Variants in TP53BP2 observed in about 807,000 individuals in gnomAD.
TP53BP2 encodes the protein apoptosis-stimulating of p53 protein 2.
TP53BP2 carries 62 observed loss-of-function variants against 126.2 expected under a neutral mutation model. That is an observed-to-expected ratio of 0.49 (90% confidence interval 0.40 to 0.61). The LOEUF is 0.61. TP53BP2 is among the 20% of genes least tolerant of loss of function. TP53BP2 has a pLI of 0.00. For missense variants in TP53BP2, 1,215 were observed against 1,402.8 expected (o/e 0.87, Z 2.14); for synonymous variants, 485 against 502.9 (o/e 0.96, Z 0.48).
At chr1:223,845,347 C>G (rs1165609831) in intron 1 of TP53BP2, 1 of 779,880 alleles carries the variant, frequency 1.3e-6, no homozygotes, top group Non-Finnish European at 1.6e-6. Flanking sequence ...AAGTCAAGAC[C>G]CAGTGAAAGA....
chr1:223,813,105 A>T (rs1397936902), intron 3 of TP53BP2, among the ~76,000 whole-genome samples: 5 of 151,642 alleles, frequency 3.3e-5, no homozygotes, highest in African/African-American at 4.8e-5. Flanking sequence ...GCTGCTTCCC[A>T]CCCACACTCT....
intron 15 of TP53BP2, among the ~76,000 whole-genome samples, chr1:223,791,958 G>A (rs1662170290): frequency 6.6e-6 from 1 of 152,080 alleles, no homozygotes; most frequent in African/African-American, 2.4e-5. Flanking sequence ...CACGAAAAAT[G>A]GATTCCATGG....
chr1:223,802,699 TC>T, intron 8 of TP53BP2, 31 bp downstream of exon 8: 3 of 1,610,562 alleles, frequency 1.9e-6, no homozygotes, highest in Non-Finnish European at 2.5e-6. Context: ...TTTTCCCTCC[TC>T]CCCAAAACCA....
chr1:223,798,037 T>G (rs1662392645), intron 12 of TP53BP2, among the ~76,000 whole-genome samples, 178 bp downstream of exon 12: 1 of 152,116 alleles, frequency 6.6e-6, no homozygotes, highest in South Asian at 2.1e-4. Flanking sequence ...TGCCTACTAC[T>G]GTAGGAGCAG....
At chr1:223,836,982 A>ACCTACATATCACAAACTAAGCAGTTATT (rs1558111729) in intron 1 of TP53BP2, among the ~76,000 whole-genome samples, 5 of 152,202 alleles carry the variant, frequency 3.3e-5, no homozygotes, top group African/African-American at 1.2e-4. Flanking sequence ...TTTGAAAATT[A>ACCTACATATCACAAACTAAGCAGTTATT]CCTACATATC....
In TP53BP2 at chr1:223,796,470, A is replaced by G; in HGVS notation, c.2069T>C (p.Val690Ala). 1 of 1,614,170 alleles carries G rather than the reference A, an allele frequency of 6.2e-7. No individual in the cohort carries two copies. The highest frequency in any genetic ancestry group is 1.1e-5 in the South Asian group (1 of 91,080). ...TCTTTCGTTTTCATGGTTCTCCTGA[A>G]CTGAAGAAACAGGCTCTGTTTCAGG... ...PEPETEPVSS[V>A]QENHENERIP... The change falls in exon 13 of 18, where the codon GTT (valine) becomes GCT (alanine). Residue 690 changes from valine (V) to alanine (A), a missense_variant. By Grantham distance (64) the Val-to-Ala change is moderately conservative. This residue lies in a region of TP53BP2 where 814 missense variants were observed against 853.0 expected (regional missense o/e 0.95). Coordinates refer to ENST00000343537, the MANE Select transcript of TP53BP2 (RefSeq NM_001031685.3). The surrounding 1 kb of genome is among the most constrained non-coding windows in gnomAD (Gnocchi z 4.2).
intron 1 of TP53BP2, among the ~76,000 whole-genome samples, chr1:223,842,173 C>T (rs569003926): frequency 1.4e-4 from 21 of 152,208 alleles, no homozygotes; most frequent in East Asian, 7.7e-4. Context: ...CTCCTGACCT[C>T]GTGATCCACC....
chr1:223,813,928 A>G (rs1192496662), intron 3 of TP53BP2, among the ~76,000 whole-genome samples: 1 of 152,188 alleles, frequency 6.6e-6, no homozygotes, highest in East Asian at 1.9e-4. Flanking sequence ...TCCTGTTATT[A>G]TGGAAGAGGG....
At chr1:223,813,442 A>C (rs1662982017) in intron 3 of TP53BP2, among the ~76,000 whole-genome samples, 1 of 151,684 alleles carries the variant, frequency 6.6e-6, no homozygotes, top group African/African-American at 2.4e-5. Context: ...CTTTCATCTA[A>C]CTGAGACTCA....
At chr1:223,838,833 G>A (rs921482856) in intron 1 of TP53BP2, among the ~76,000 whole-genome samples, 2 of 152,116 alleles carry the variant, frequency 1.3e-5, no homozygotes, top group Non-Finnish European at 2.9e-5. Flanking sequence ...TGCAGATGTG[G>A]AAGATCTGAG....
chr1:223,831,776 A>G (rs1663742193), intron 1 of TP53BP2, among the ~76,000 whole-genome samples: 1 of 149,188 alleles, frequency 6.7e-6, no homozygotes, highest in Non-Finnish European at 1.5e-5. Flanking sequence ...AAAAAAAAAA[A>G]CACTGTGTTA....
At chr1:223,809,833 C>CTTTTTTTTTTTTTTTTTTTT (rs949554343) in intron 4 of TP53BP2, among the ~76,000 whole-genome samples, 1 of 147,872 alleles carries the variant, frequency 6.8e-6, no homozygotes, top group Non-Finnish European at 1.5e-5. Flanking sequence ...TATAATTTTC[C>CTTTTTTTTTTTTTTTTTTTT]TTTTTTTTTT....
intron 1 of TP53BP2, among the ~76,000 whole-genome samples, chr1:223,831,502 T>A (rs1271796600): frequency 3.1e-5 from 4 of 129,960 alleles, no homozygotes; most frequent in Non-Finnish European, 4.8e-5. Flanking sequence ...TATATATATA[T>A]ATATATATAT....
intron 9 of TP53BP2, among the ~76,000 whole-genome samples, chr1:223,801,726 T>A (rs1354474801): frequency 6.6e-6 from 1 of 152,198 alleles, no homozygotes; most frequent in Non-Finnish European, 1.5e-5. Flanking sequence ...CTCATCAACA[T>A]AATAGATTCA....
intron 15 of TP53BP2, 119 bp from the exon 16 acceptor site, chr1:223,789,293 TCTTAAACAGTTTTTTAAAAAC>T: frequency 8.6e-7 from 1 of 1,163,780 alleles, no homozygotes; most frequent in Non-Finnish European, 1.2e-6. Flanking sequence ...TCTGAAAACC[TCTTAAACAGTTTTTTAAAAAC>T]CAGTTCAACA....
chr1:223,802,610 A>G (rs1662564908), intron 8 of TP53BP2, 121 bp downstream of exon 8: 6 of 1,211,852 alleles, frequency 5.0e-6, no homozygotes, highest in Non-Finnish European at 7.0e-6. Flanking sequence ...ATCCATAAAC[A>G]GCATCTGTTT....
chr1:223,782,894 A>T (rs940034884), intron 17 of TP53BP2, among the ~76,000 whole-genome samples: 3 of 152,212 alleles, frequency 2.0e-5, no homozygotes, highest in African/African-American at 7.2e-5. Context: ...GTTATTTCAT[A>T]ATAAATTTTG....
rs761487981 is a variant in TP53BP2, at chr1:223,802,216, T to A, written c.1125A>T (p.Pro375=). 6 of 1,614,198 alleles carry A rather than the reference T, an allele frequency of 3.7e-6. No homozygotes were observed. The South Asian group carries it at 6.6e-5, about 18-fold the overall frequency. The change falls in exon 9 of 18, where the codon CCA becomes CCT. Residue 375 remains proline (P), a synonymous_variant. Coordinates refer to ENST00000343537, the MANE Select transcript of TP53BP2 (RefSeq NM_001031685.3). ...TGACCAAGGAACCATCCGGCAGGGC[T>A]GGCTTCACCAGCAATTCAGGCCTTG... ...MPSRPELLVK[P]ALPDGSLVIQ...
At chr1:223,798,976 G>A (rs1356092585) in intron 11 of TP53BP2, among the ~76,000 whole-genome samples, 1 of 152,198 alleles carries the variant, frequency 6.6e-6, no homozygotes, top group Non-Finnish European at 1.5e-5. Context: ...GGAGGCTGAG[G>A]CAGAAGAATC....
Sources: allele counts gnomAD v4.1 joint callset (sites outside exome capture counted in the v4.1 genomes callset), GRCh38; gene constraint gnomAD v4.1.1; regional missense constraint gnomAD v4.1.1; non-coding constraint Gnocchi (gnomAD v3.1); transcripts MANE v1.5; gene names NCBI Gene and HGNC (gene_info 2026-07-23, HGNC 2026-07-21).